Variants in ADCY2 observed in about 807,000 individuals in gnomAD.
ADCY2 encodes the protein adenylate cyclase 2.
In ADCY2, 31 loss-of-function variants were observed where a neutral mutation model predicts 125.2. The ratio of observed to expected loss-of-function variants is 0.25; its 90% confidence interval spans 0.19 to 0.33. The LOEUF (loss-of-function observed/expected upper bound fraction) is 0.33. ADCY2 is among the 10% of genes least tolerant of loss of function. The pLI, the probability that ADCY2 is intolerant of heterozygous loss-of-function variation, is 1.00. For missense variants in ADCY2, 904 were observed against 1,418.2 expected (o/e 0.64, Z 5.82); for synonymous variants, 512 against 548.4 (o/e 0.93, Z 0.93).
At chr5:7,451,086 A>G (rs1741453063) in intron 2 of ADCY2, among the ~76,000 whole-genome samples, 1 of 152,230 alleles carries the variant, frequency 6.6e-6, no homozygotes, top group African/African-American at 2.4e-5. Context: ...AGCAAACACA[A>G]CATCTGTTCT....
At position 7,642,440 on chromosome 5, in the gene ADCY2, T is replaced by C. The variant is rs1318292039; in HGVS notation, c.720+16124T>C. ...GGATACTAGACCTTTGTCAGATGCA[T>C]AGTTTGCAAATAATTTCTCCCATTC... On this transcript the variant is annotated intron_variant, in intron 4 of 24. Coordinates refer to ENST00000338316, the MANE Select transcript of ADCY2 (RefSeq NM_020546.3). 2.0e-5 allele frequency among the ~76,000 whole-genome samples: 3 copies of C among 152,190 alleles called. No individual in the cohort carries two copies. The East Asian group carries it at 5.8e-4, about 29-fold the overall frequency.
chr5:7,577,732 C>A lies in ADCY2; in HGVS notation c.571-48435C>A, dbSNP rs567171549. Among the ~76,000 whole-genome samples the A allele has an allele frequency of 2.2e-3, 334 of 152,166 alleles. 3 individuals carry two copies. In the Middle Eastern group the frequency reaches 0.027, roughly 12 times the overall value. ...AATAAATCAATGACAACAAAACTTA[C>A]AAAATTCAAGGGCCATAGTTTACCT... On this transcript the variant is annotated intron_variant, in intron 3 of 24. Coordinates refer to ENST00000338316, the MANE Select transcript of ADCY2 (RefSeq NM_020546.3).
intron 22 of ADCY2, among the ~76,000 whole-genome samples, chr5:7,814,632 T>G (rs1459760880): frequency 6.6e-6 from 1 of 152,070 alleles, no homozygotes; most frequent in Admixed American, 6.5e-5. Flanking sequence ...CCCCTTTAGC[T>G]ACCACCTTAG....
At chr5:7,713,370 T>C (rs1297893186) in intron 11 of ADCY2, among the ~76,000 whole-genome samples, 1 of 151,906 alleles carries the variant, frequency 6.6e-6, no homozygotes, top group African/African-American at 2.4e-5. Context: ...GGCATATGCC[T>C]GTAATCCCAG....
chr5:7,480,704 C>T (rs1347846789), intron 2 of ADCY2, among the ~76,000 whole-genome samples: 1 of 151,878 alleles, frequency 6.6e-6, no homozygotes, highest in East Asian at 1.9e-4. Flanking sequence ...ACCCCCATGA[C>T]ACAAGTTTAC....
chr5:7,489,748 A>G (rs1743089259), intron 2 of ADCY2, among the ~76,000 whole-genome samples: 2 of 152,332 alleles, frequency 1.3e-5, no homozygotes, highest in South Asian at 4.1e-4. Flanking sequence ...GAGAGTACCC[A>G]GGATGTAAAA....
rs71604187 is a variant in ADCY2, at chr5:7,764,624, C to G, written c.2095-2063C>G. On this transcript the variant is annotated intron_variant, in intron 16 of 24. Coordinates refer to ENST00000338316, the MANE Select transcript of ADCY2 (RefSeq NM_020546.3). ...AATTTGCAAGTAAACTAAAAATATG[C>G]AGTGTTCATTAGCATTTTATTTAGG... is the stretch of plus-strand genomic sequence containing the variant. 7.2e-3 allele frequency among the ~76,000 whole-genome samples: 1,089 copies of G among 152,282 alleles called. 6 individuals carry two copies. The highest frequency in any genetic ancestry group is 0.02 in the Middle Eastern group (6 of 294).
At chr5:7,415,682 C>A (rs1257272573) in intron 2 of ADCY2, among the ~76,000 whole-genome samples, 2 of 152,158 alleles carry the variant, frequency 1.3e-5, no homozygotes, top group Admixed American at 1.3e-4. Flanking sequence ...ATTCATTTTG[C>A]ACCTTTTGAG....
chr5:7,460,999 C>T (rs1375822755), intron 2 of ADCY2, among the ~76,000 whole-genome samples: 1 of 152,170 alleles, frequency 6.6e-6, no homozygotes, highest in East Asian at 1.9e-4. Flanking sequence ...TCACTCAAGT[C>T]CAGAGTTTGG....
intron 2 of ADCY2, among the ~76,000 whole-genome samples, chr5:7,503,881 G>C (rs997831594): frequency 6.6e-6 from 1 of 152,190 alleles, no homozygotes; most frequent in Non-Finnish European, 1.5e-5. Context: ...GGCAGGGGTG[G>C]CATTTCAAGG....
At chr5:7,567,929 T>TTCTCTCTCTCTC (rs10590625) in intron 3 of ADCY2, among the ~76,000 whole-genome samples, 11 of 146,460 alleles carry the variant, frequency 7.5e-5, no homozygotes, top group African/African-American at 2.5e-4. Flanking sequence ...CGTCCTCTCT[T>TTCTCTCTCTCTC]TCTCTCTCTC....
chr5:7,813,500 CTG>C (rs1284912869), intron 22 of ADCY2, among the ~76,000 whole-genome samples: 1 of 152,162 alleles, frequency 6.6e-6, no homozygotes, highest in Non-Finnish European at 1.5e-5. Flanking sequence ...CGAGTAGTCT[CTG>C]TGTAGCTGGA....
At chr5:7,670,523 G>C (rs1192014635) in intron 4 of ADCY2, among the ~76,000 whole-genome samples, 1 of 152,088 alleles carries the variant, frequency 6.6e-6, no homozygotes, top group Admixed American at 6.6e-5. Context: ...ACAAAAACTT[G>C]GTTTATATAC....
At chr5:7,542,201 G>C (rs1020398793) in intron 3 of ADCY2, among the ~76,000 whole-genome samples, 4 of 152,072 alleles carry the variant, frequency 2.6e-5, no homozygotes, top group Admixed American at 2.0e-4. Context: ...TGTTCCAAAT[G>C]GTCCAAATAG....
At chr5:7,740,477 A>G (rs1048446348) in intron 14 of ADCY2, among the ~76,000 whole-genome samples, 8 of 152,068 alleles carry the variant, frequency 5.3e-5, no homozygotes, top group African/African-American at 1.7e-4. Context: ...GGTTCCTTCA[A>G]TAGTTATATT....
At chr5:7,506,619 T>C (rs75283336) in intron 2 of ADCY2, among the ~76,000 whole-genome samples, 12,913 of 152,128 alleles carry the variant, frequency 0.085, 753 homozygotes, top group Non-Finnish European at 0.13. Context: ...TCCGAGTGTA[T>C]TGTTTTATAA....
intron 2 of ADCY2, among the ~76,000 whole-genome samples, chr5:7,441,590 C>T (rs955910282): frequency 1.3e-5 from 2 of 152,004 alleles, no homozygotes; most frequent in African/African-American, 4.8e-5. Context: ...TAACTATGCC[C>T]CCATGGTTCA....
At position 7,402,499 on chromosome 5, in the gene ADCY2, A is replaced by C. The variant is rs1009302440; in HGVS notation, c.210+5993A>C. Among the ~76,000 whole-genome samples, 3 of 152,188 alleles carry C rather than the reference A, an allele frequency of 2.0e-5. No individual in the cohort carries two copies. The South Asian group carries it at 6.2e-4, about 32-fold the overall frequency. On this transcript the variant is annotated intron_variant, in intron 1 of 24. Coordinates refer to ENST00000338316, the MANE Select transcript of ADCY2 (RefSeq NM_020546.3). ...TCTCCAGGAGCCAGATGCAAGTGAGAGTCGGGTAGACACAGTAAGAAAAAC... is the reference window on the plus strand; with the variant it reads ...TCTCCAGGAGCCAGATGCAAGTGAGCGTCGGGTAGACACAGTAAGAAAAAC...
intron 1 of ADCY2, among the ~76,000 whole-genome samples, chr5:7,404,028 T>C (rs1739375328): frequency 6.6e-6 from 1 of 151,848 alleles, no homozygotes; most frequent in Non-Finnish European, 1.5e-5. Flanking sequence ...ACAGTGAAAC[T>C]TCTGCTTCAG....
Sources: gnomAD v4.1 joint callset for allele counts (sites outside exome capture counted in the v4.1 genomes callset) on GRCh38, gnomAD v4.1.1 for gene constraint, MANE v1.5 for transcripts, NCBI Gene and HGNC (gene_info 2026-07-23, HGNC 2026-07-21) for gene names.